Variants in NPAS2 observed in about 807,000 individuals in gnomAD.
The protein encoded by NPAS2 is neuronal PAS domain protein 2, also known as neuronal PAS domain-containing protein 2.
A neutral mutation model predicts 107.5 loss-of-function variants in NPAS2; 23 were observed. That is an observed-to-expected ratio of 0.21 (90% CI 0.15 to 0.30). NPAS2 has a LOEUF of 0.30. Ranked by LOEUF, NPAS2 falls within the 10% of genes least tolerant of loss-of-function variation. The pLI is 1.00. For synonymous variants in NPAS2, 403 were observed against 417.5 expected (o/e 0.97, Z 0.42); for missense variants, 756 against 1,043.3 (o/e 0.72, Z 3.79).
Position 100,820,158 on chromosome 2 carries a change from G to C in NPAS2, c.-279G>C, listed in dbSNP as rs1210517368. 9 of 151,052 alleles carry C rather than the reference G, an allele frequency of 6.0e-5. No individual in the cohort carries two copies. The East Asian group carries it at 1.6e-3, about 27-fold the overall frequency. 9.4% of individuals were successfully genotyped at this position (151,052 alleles called of 1,614,324 possible). ...GGCTCTGCGTGCGGAAGAGTTTGCCGCGCGAGCAGCCGGCCTCTCGCAGGA... is the reference window on the plus strand; with the variant it reads ...GGCTCTGCGTGCGGAAGAGTTTGCCCCGCGAGCAGCCGGCCTCTCGCAGGA... On this transcript the variant is annotated 5_prime_UTR_variant, in exon 1 of 21. Transcript: ENST00000335681. The surrounding 1 kb of genome is among the most constrained non-coding windows in gnomAD (Gnocchi z 5.6).
chr2:100,862,808 T>A (rs1379249925), intron 1 of NPAS2, among the ~76,000 whole-genome samples: 1 of 152,190 alleles, frequency 6.6e-6, no homozygotes, highest in African/African-American at 2.4e-5. Flanking sequence ...CTCTTCCTTT[T>A]ACGGGAGTTG....
chr2:100,900,286 A>C (rs932364648), intron 1 of NPAS2, among the ~76,000 whole-genome samples: 1 of 152,236 alleles, frequency 6.6e-6, no homozygotes, highest in Admixed American at 6.5e-5. Context: ...AGCAGGCAAA[A>C]GAATTAGACA....
Position 100,820,968 on chromosome 2 carries a change from G to A in NPAS2, c.-23+554G>A. 2 of 1,164,160 alleles carry A rather than the reference G, an allele frequency of 1.7e-6. No homozygotes were observed. Among genetic ancestry groups the A allele is most frequent in the Non-Finnish European group, 2.3e-6 (2 of 877,846 alleles). The allele number at this position is 1,164,160 out of a possible 1,614,324, so 72.1% of individuals were successfully genotyped here. A position where few individuals can be genotyped will look rare whatever the true frequency, so the allele number is the denominator to read the frequency against. ...CCCCCGTGTGCGCAGACAGCGTGCA[G>A]CCTGGCTCCTCACGTCGCTGCCGCC... On this transcript the variant is annotated intron_variant, in intron 1 of 20. Coordinates refer to ENST00000335681, the MANE Select transcript of NPAS2 (RefSeq NM_002518.4). The surrounding 1 kb of genome is among the most constrained non-coding windows in gnomAD (Gnocchi z 5.6).
At position 100,995,470 on chromosome 2, in the gene NPAS2, C is replaced by CA; in HGVS notation, c.2364dup (p.Gly789ArgfsTer27). On this transcript the variant is annotated frameshift_variant, in exon 21 of 21. Transcript: ENST00000335681. LOFTEE classifies it high-confidence loss of function. Reference sequence around the variant, plus strand: ...CTTCTCTCCACCTACTCACAACAGCCAGGGACCCTGGGCTACCCCCAACCA... The same window carrying CA: ...CTTCTCTCCACCTACTCACAACAGCCAAGGGACCCTGGGCTACCCCCAACCA... 6.2e-7 allele frequency: 1 copy of CA among 1,614,092 alleles called. No individual in the cohort carries two copies. The highest frequency in any genetic ancestry group is 8.5e-7 in the Non-Finnish European group (1 of 1,180,018).
chr2:100,968,867 C>T lies in NPAS2; in HGVS notation c.1055+439C>T, dbSNP rs977046954. Among the ~76,000 whole-genome samples, 1 of 152,204 alleles carries T rather than the reference C, an allele frequency of 6.6e-6. No homozygotes were observed. The highest frequency in any genetic ancestry group is 1.5e-5 in the Non-Finnish European group (1 of 68,044). ...CCCTTTATTTTTAATGCTTTAAAAACCCCTGCTGGCAACTGAGGCAGTGTT... is the reference window on the plus strand; with the variant it reads ...CCCTTTATTTTTAATGCTTTAAAAATCCCTGCTGGCAACTGAGGCAGTGTT... On this transcript the variant is annotated intron_variant, in intron 11 of 20. Coordinates refer to ENST00000335681, the MANE Select transcript of NPAS2 (RefSeq NM_002518.4). The surrounding 1 kb of genome is among the most constrained non-coding windows in gnomAD (Gnocchi z 5.3).
chr2:100,888,765 C>T (rs909967550), intron 1 of NPAS2, among the ~76,000 whole-genome samples: 8 of 152,126 alleles, frequency 5.3e-5, no homozygotes, highest in African/African-American at 1.9e-4. Context: ...TGCCTTGGGT[C>T]CTGGGCCTGT....
chr2:100,995,450 C>G lies in NPAS2; in HGVS notation c.2343C>G (p.Leu781=). 3 of 1,614,144 alleles carry G rather than the reference C, an allele frequency of 1.9e-6. No individual in the cohort carries two copies. The highest frequency in any genetic ancestry group is 2.5e-6 in the Non-Finnish European group (3 of 1,180,028). ...GTGAGCAGCAGGACTCGCTACTTCT[C>G]TCCACCTACTCACAACAGCCAGGGA... is the stretch of plus-strand genomic sequence containing the variant. The part of the protein sequence containing the change: ...LHSEQQDSLL[L]STYSQQPGTL... The change falls in exon 21 of 21, where the codon CTC becomes CTG. Residue 781 remains leucine (L), a synonymous_variant. Coordinates refer to ENST00000335681, the MANE Select transcript of NPAS2 (RefSeq NM_002518.4).
At chr2:100,846,415 A>C (rs1677778422) in intron 1 of NPAS2, among the ~76,000 whole-genome samples, 1 of 152,218 alleles carries the variant, frequency 6.6e-6, no homozygotes, top group South Asian at 2.1e-4. Flanking sequence ...GGTTTTAAAA[A>C]GGCATTTCTT....
chr2:100,906,330 G>T (rs1682144511), intron 2 of NPAS2, among the ~76,000 whole-genome samples: 1 of 152,170 alleles, frequency 6.6e-6, no homozygotes, highest in Non-Finnish European at 1.5e-5. Flanking sequence ...GTTTCCTCCA[G>T]CATAGCTATG....
At chr2:100,821,674 G>A (rs1265925115) in intron 1 of NPAS2, among the ~76,000 whole-genome samples, 1 of 152,128 alleles carries the variant, frequency 6.6e-6, no homozygotes, top group Non-Finnish European at 1.5e-5. Context: ...TCAGTGAATT[G>A]ACCAACTAAT....
At chr2:100,909,135 A>G (rs1386285433) in intron 2 of NPAS2, among the ~76,000 whole-genome samples, 1 of 152,212 alleles carries the variant, frequency 6.6e-6, no homozygotes, top group Non-Finnish European at 1.5e-5. Flanking sequence ...AATGACATGG[A>G]CCAATGAATG....
Position 100,964,091 on chromosome 2 carries a change from C to G in NPAS2, c.632C>G (p.Thr211Ser). 1 of 1,614,052 alleles carries G rather than the reference C, an allele frequency of 6.2e-7. No individual in the cohort carries two copies. The highest frequency in any genetic ancestry group is 8.5e-7 in the Non-Finnish European group (1 of 1,179,930). The change falls in exon 8 of 21, where the codon ACC (threonine) becomes AGC (serine). Residue 211 changes from threonine (T) to serine (S), a missense_variant. By Grantham distance (58) the Thr-to-Ser change is moderately conservative. Around this residue, in one of 4 missense-constraint regions of NPAS2, gnomAD observed 30 missense variants for 23.8 expected, o/e 1.26. Transcript: ENST00000335681. ...PSPSCNGFDN[T>S]LSRPCRVPLG... The stretch of plus-strand genomic sequence containing the variant: ...CCCTCCTGTAATGGTTTTGACAACA[C>G]CCTTTCAAGACCTTGCCGGGTGCCA...
At chr2:100,947,293 G>A (rs908067187) in intron 5 of NPAS2, among the ~76,000 whole-genome samples, 1 of 152,134 alleles carries the variant, frequency 6.6e-6, no homozygotes, top group East Asian at 1.9e-4. Context: ...GCTCATGCCT[G>A]TAATCCCAGC....
At chr2:100,994,383 C>G (rs899991374) in intron 20 of NPAS2, 1 of 152,280 alleles carries the variant, frequency 6.6e-6, no homozygotes. Context: ...TCTCCCTGAC[C>G]CCACACATAG....
At chr2:100,956,753 G>A (rs1042115228) in intron 7 of NPAS2, among the ~76,000 whole-genome samples, 1 of 152,202 alleles carries the variant, frequency 6.6e-6, no homozygotes, top group Non-Finnish European at 1.5e-5. Flanking sequence ...AGGGCTCTGT[G>A]TGAGCCTTGA....
intron 10 of NPAS2, among the ~76,000 whole-genome samples, chr2:100,967,590 G>A (rs571317386): frequency 6.6e-6 from 1 of 152,030 alleles, no homozygotes; most frequent in Non-Finnish European, 1.5e-5. Flanking sequence ...ACCTAAAGAG[G>A]TGCTAAGTTC....
intron 1 of NPAS2, among the ~76,000 whole-genome samples, chr2:100,863,395 A>G (rs1419063769): frequency 6.6e-6 from 1 of 152,144 alleles, no homozygotes; most frequent in Non-Finnish European, 1.5e-5. Context: ...CCCTTTCCTG[A>G]GTTGCTATCT....
At position 100,977,816 on chromosome 2, in the gene NPAS2, G is replaced by A. The variant is rs770508034; in HGVS notation, c.1482+17G>A. ...ATGGCACAGGTGAGTCTGGGACCCA[G>A]GAAAGGGCAGCCCCTCTCAAGCCAG... On this transcript the variant is annotated intron_variant, in intron 15 of 20. Coordinates refer to ENST00000335681, the MANE Select transcript of NPAS2 (RefSeq NM_002518.4). The A allele has an allele frequency of 2.5e-6, 4 of 1,609,080 alleles. No homozygotes were observed. Among genetic ancestry groups the A allele is most frequent in the South Asian group, 2.2e-5 (2 of 91,026 alleles).
chr2:100,981,850 T>C (rs2278728), intron 15 of NPAS2, among the ~76,000 whole-genome samples: 63,714 of 152,062 alleles, frequency 0.42, 15,201 homozygotes, highest in East Asian at 0.78. Context: ...CTCTCTGATG[T>C]CCTGCTTTTG....
Sources: gnomAD v4.1 joint callset for allele counts (sites outside exome capture counted in the v4.1 genomes callset) on GRCh38, gnomAD v4.1.1 for gene constraint, gnomAD v4.1.1 regional missense constraint, Gnocchi (gnomAD v3.1) non-coding constraint, MANE v1.5 for transcripts, NCBI Gene and HGNC (gene_info 2026-07-23, HGNC 2026-07-21) for gene names.